The following KDM1A variants were observed in gnomAD, a reference collection of about 807,000 sequenced individuals.
KDM1A encodes lysine demethylase 1A.
A neutral mutation model predicts 109.4 loss-of-function variants in KDM1A; 49 were observed. That is an observed-to-expected ratio of 0.45 (90% CI 0.36 to 0.57). The LOEUF (loss-of-function observed/expected upper bound fraction) is 0.57, where lower values mean the gene tolerates loss of function less well. Ranked by LOEUF, KDM1A falls within the 20% of genes least tolerant of loss-of-function variation. The pLI, the probability that KDM1A is intolerant of heterozygous loss-of-function variation, is 0.00. For synonymous variants in KDM1A, 380 were observed against 415.4 expected (o/e 0.91, Z 1.04); for missense variants, 668 against 1,116.6 (o/e 0.60, Z 5.73).
intron 4 of KDM1A, among the ~76,000 whole-genome samples, chr1:23,052,730 C>T (rs903106257): frequency 4.6e-5 from 7 of 152,120 alleles, no homozygotes; most frequent in African/African-American, 1.7e-4. Flanking sequence ...GATTTGATAA[C>T]TCAGTATCTG....
chr1:23,054,479 T>A (rs1213435869), intron 5 of KDM1A, among the ~76,000 whole-genome samples: 1 of 152,186 alleles, frequency 6.6e-6, no homozygotes, highest in Non-Finnish European at 1.5e-5. Context: ...GTTCTAAGAA[T>A]CACATTGATT....
At chr1:23,081,053 G>A (rs1475766485) in intron 18 of KDM1A, 1 of 178,146 alleles carries the variant, frequency 5.6e-6, no homozygotes, top group Non-Finnish European at 1.2e-5. Context: ...GGCCTGGGAT[G>A]GCTAAAAGGG....
intron 12 of KDM1A, among the ~76,000 whole-genome samples, chr1:23,069,418 T>C (rs1643254247): frequency 6.6e-6 from 1 of 152,226 alleles, no homozygotes; most frequent in African/African-American, 2.4e-5. Context: ...TCCAGTCTTT[T>C]GGCCTCCCTC....
intron 2 of KDM1A, among the ~76,000 whole-genome samples, chr1:23,043,434 A>T (rs1642409902): frequency 6.6e-6 from 1 of 152,196 alleles, no homozygotes; most frequent in Admixed American, 6.5e-5. Flanking sequence ...GTTCCCTTCT[A>T]ACTCAAATGG....
At position 23,068,528 on chromosome 1, in the gene KDM1A, C is replaced by T. The variant is rs557464017; in HGVS notation, c.1180-11C>T. The T allele has an allele frequency of 5.1e-6, 8 of 1,564,158 alleles. No individual in the cohort carries two copies. The highest frequency in any genetic ancestry group is 4.9e-5 in the South Asian group (4 of 80,954). ...TATAAGGACCAACTCTGCTATACTT[C>T]GGATTTTCAGGTTCCTAAAGAGAAA... On this transcript the variant is annotated splice_polypyrimidine_tract_variant and intron_variant, in intron 10 of 20. Coordinates refer to ENST00000400181, the MANE Select transcript of KDM1A (RefSeq NM_001009999.3).
intron 16 of KDM1A, among the ~76,000 whole-genome samples, chr1:23,078,399 G>T (rs1431064623): frequency 1.3e-5 from 2 of 151,998 alleles, no homozygotes; most frequent in East Asian, 3.9e-4. Context: ...TATATAAACA[G>T]ACATTCATTA....
At chr1:23,045,295 A>G (rs1642470232) in intron 3 of KDM1A, among the ~76,000 whole-genome samples, 4 of 152,212 alleles carry the variant, frequency 2.6e-5, no homozygotes, top group South Asian at 4.1e-4. Flanking sequence ...TCACTTTTCA[A>G]CTGTCTTAAG....
At chr1:23,045,506 A>C (rs1642477025) in intron 3 of KDM1A, among the ~76,000 whole-genome samples, 2 of 152,212 alleles carry the variant, frequency 1.3e-5, no homozygotes, top group African/African-American at 4.8e-5. Flanking sequence ...TCTTAGCAGA[A>C]TTAAACCCTG....
chr1:23,036,678 A>C (rs1412256437), intron 2 of KDM1A, among the ~76,000 whole-genome samples: 1 of 152,188 alleles, frequency 6.6e-6, no homozygotes, highest in Non-Finnish European at 1.5e-5. Context: ...TTTATAGCCT[A>C]GTATGAGACA....
chr1:23,082,127 T>G, intron 19 of KDM1A, 93 bp from the exon 20 acceptor site: 1 of 1,372,970 alleles, frequency 7.3e-7, no homozygotes, highest in Non-Finnish European at 1.0e-6. Context: ...TTCTCTTCAC[T>G]TGCATCTCCA....
chr1:23,075,993 ATAGTTT>A (rs1420292705), intron 15 of KDM1A, among the ~76,000 whole-genome samples: 1 of 152,164 alleles, frequency 6.6e-6, no homozygotes, highest in East Asian at 1.9e-4. Context: ...TTATAATCTG[ATAGTTT>A]TAGTATTTGA....
intron 9 of KDM1A, 30 bp from the exon 10 acceptor site, chr1:23,066,025 CAGTTT>C: frequency 6.2e-7 from 1 of 1,604,794 alleles, no homozygotes; most frequent in Non-Finnish European, 8.5e-7. Flanking sequence ...CTGTTATTTA[CAGTTT>C]ATTTCTCTCT....
At position 23,019,884 on chromosome 1, in the gene KDM1A, C is replaced by T. The variant is rs1641562208; in HGVS notation, c.288C>T (p.Pro96=). ...CTGTCGTGCCTGGGTCTGCGACCCCCATGGAAACTGGAATAGCAGAGACTC... is the reference window on the plus strand; with the variant it reads ...CTGTCGTGCCTGGGTCTGCGACCCCTATGGAAACTGGAATAGCAGAGACTC... ...GPTVVPGSAT[P]METGIAETPE... The change falls in exon 1 of 21, where the codon CCC becomes CCT. Residue 96 remains proline, a synonymous_variant. Coordinates refer to ENST00000400181, the MANE Select transcript of KDM1A (RefSeq NM_001009999.3). 1 of 1,564,274 alleles carries T rather than the reference C, an allele frequency of 6.4e-7. No individual in the cohort carries two copies. Among genetic ancestry groups the T allele is most frequent in the African/African-American group, 1.4e-5 (1 of 70,706 alleles).
intron 15 of KDM1A, among the ~76,000 whole-genome samples, chr1:23,075,740 G>A (rs1278907139): frequency 1.3e-5 from 2 of 152,130 alleles, no homozygotes; most frequent in Non-Finnish European, 2.9e-5. Context: ...CTCAGGTCAG[G>A]AGTTCGAGAC....
At chr1:23,028,064 G>A (rs558992009) in intron 1 of KDM1A, among the ~76,000 whole-genome samples, 3 of 152,086 alleles carry the variant, frequency 2.0e-5, no homozygotes, top group Non-Finnish European at 4.4e-5. Context: ...CCTTTTCCAA[G>A]TGTATTCCTT....
In KDM1A at chr1:23,056,044, A is replaced by G; in HGVS notation, c.990+6A>G. On this transcript the variant is annotated splice_donor_region_variant and intron_variant, in intron 7 of 20. Coordinates refer to ENST00000400181, the MANE Select transcript of KDM1A (RefSeq NM_001009999.3). Reference sequence around the variant, plus strand: ...TCACACTTTTGGAAGCCAGGGTAAGAATTTCATTTTGAGTTTAGAGGCTTG... The same window carrying G: ...TCACACTTTTGGAAGCCAGGGTAAGGATTTCATTTTGAGTTTAGAGGCTTG... 1.3e-6 allele frequency: 2 copies of G among 1,596,342 alleles called. No individual in the cohort carries two copies. The highest frequency in any genetic ancestry group is 4.5e-5 in the East Asian group (2 of 44,694).
chr1:23,075,526 G>A (rs2869038), intron 15 of KDM1A, among the ~76,000 whole-genome samples: 113,002 of 150,508 alleles, frequency 0.75, 43,167 homozygotes, highest in Non-Finnish European at 0.83. Context: ...AGCGGAGATC[G>A]CGCCATTGCA....
intron 2 of KDM1A, among the ~76,000 whole-genome samples, chr1:23,032,320 A>T (rs878941391): frequency 1.4e-5 from 2 of 147,758 alleles, no homozygotes; most frequent in Non-Finnish European, 3.0e-5. Context: ...AAAATTTTAA[A>T]CCATGTGTTG....
chr1:23,030,745 G>A, intron 2 of KDM1A, 111 bp downstream of exon 2: 1 of 1,152,824 alleles, frequency 8.7e-7, no homozygotes, highest in Non-Finnish European at 1.2e-6. Flanking sequence ...TTATAATAAA[G>A]TCTGATATTG....
Sources: gnomAD v4.1 joint callset for allele counts (sites outside exome capture counted in the v4.1 genomes callset) on GRCh38, gnomAD v4.1.1 for gene constraint, MANE v1.5 for transcripts, NCBI Gene and HGNC (gene_info 2026-07-23, HGNC 2026-07-21) for gene names.